ASTN2: variants seen among roughly 807,000 people sequenced by gnomAD.
ASTN2 encodes astrotactin-2.
ASTN2 carries 54 observed loss-of-function variants against 139.8 expected under a neutral mutation model. That is an observed-to-expected ratio of 0.39 (90% CI 0.31 to 0.48). ASTN2 has a LOEUF of 0.48. ASTN2 is among the 20% of genes least tolerant of loss of function. The pLI is 0.95. For missense variants in ASTN2, 1,565 were observed against 1,725.1 expected (o/e 0.91, Z 1.64); for synonymous variants, 756 against 719.5 (o/e 1.05, Z -0.81).
intron 2 of ASTN2, among the ~76,000 whole-genome samples, chr9:117,240,962 T>C (rs968774849): frequency 7.2e-5 from 11 of 152,188 alleles, no homozygotes; most frequent in African/African-American, 2.7e-4. Flanking sequence ...TCCTGAGGTT[T>C]ACAATCCTCC....
At chr9:116,573,429 C>G (rs10983241) in intron 19 of ASTN2, among the ~76,000 whole-genome samples, 7,200 of 152,102 alleles carry the variant, frequency 0.047, 561 homozygotes, top group African/African-American at 0.16. Context: ...TATCTCAGAG[C>G]CTTTAATATG....
At chr9:116,478,177 G>C (rs1310699211) in intron 20 of ASTN2, among the ~76,000 whole-genome samples, 1 of 120,618 alleles carries the variant, frequency 8.3e-6, no homozygotes, top group East Asian at 3.0e-4. Context: ...GAGGGAAGGG[G>C]AGGGAGAAAG....
chr9:117,348,427 A>T (rs890244820), intron 1 of ASTN2, among the ~76,000 whole-genome samples: 1 of 152,216 alleles, frequency 6.6e-6, no homozygotes, highest in African/African-American at 2.4e-5. Flanking sequence ...TGTCTCTGAA[A>T]ATGTGTCCCA....
At chr9:117,215,955 T>C (rs1433135007) in intron 2 of ASTN2, among the ~76,000 whole-genome samples, 2 of 152,188 alleles carry the variant, frequency 1.3e-5, no homozygotes, top group Non-Finnish European at 2.9e-5. Flanking sequence ...CAGAGTAATA[T>C]CTGAGCCTTA....
intron 10 of ASTN2, among the ~76,000 whole-genome samples, chr9:116,916,447 C>T (rs1834450120): frequency 1.3e-5 from 2 of 152,146 alleles, no homozygotes; most frequent in Admixed American, 6.5e-5. Context: ...AAACAGCTTG[C>T]CCAAGATCAG....
At chr9:117,178,478 G>T (rs760536316) in intron 3 of ASTN2, among the ~76,000 whole-genome samples, 2 of 152,194 alleles carry the variant, frequency 1.3e-5, no homozygotes, top group Non-Finnish European at 2.9e-5. Context: ...AAGCACTTAA[G>T]GACCAGAGAT....
At chr9:116,913,516 G>A (rs1414453459) in intron 10 of ASTN2, among the ~76,000 whole-genome samples, 1 of 152,208 alleles carries the variant, frequency 6.6e-6, no homozygotes, top group East Asian at 1.9e-4. Context: ...CTGGGTTTGA[G>A]GGAAGGGGAA....
chr9:116,626,394 TATAAAC>T (rs1239475295), intron 17 of ASTN2, among the ~76,000 whole-genome samples: 1 of 151,898 alleles, frequency 6.6e-6, no homozygotes, highest in Non-Finnish European at 1.5e-5. Context: ...TTAAATATGT[TATAAAC>T]ATACTTATAT....
intron 4 of ASTN2, among the ~76,000 whole-genome samples, chr9:117,135,653 G>A (rs575228261): frequency 2.0e-5 from 3 of 152,322 alleles, no homozygotes; most frequent in Admixed American, 2.0e-4. Context: ...TGCAATAAGG[G>A]CAGTGATAAA....
In ASTN2 at chr9:117,123,854, T is replaced by C. The variant is rs146281994; in HGVS notation, c.1168+17472A>G. 6.0e-3 allele frequency among the ~76,000 whole-genome samples: 916 copies of C among 152,322 alleles called. 10 individuals carry two copies. The highest frequency in any genetic ancestry group is 0.02 in the African/African-American group (840 of 41,574). The stretch of plus-strand genomic sequence containing the variant: ...TCACCAGGAATTGGTTTCACATTCT[T>C]CTTACTCACTGTATCAAATGAGTAT... On this transcript the variant is annotated intron_variant, in intron 4 of 22. Transcript: ENST00000313400.
At chr9:117,336,726 T>C (rs998245302) in intron 1 of ASTN2, among the ~76,000 whole-genome samples, 4 of 152,160 alleles carry the variant, frequency 2.6e-5, no homozygotes, top group African/African-American at 9.7e-5. Flanking sequence ...AAATGGGTTC[T>C]GGTTTAAAGG....
At position 116,606,262 on chromosome 9, in the gene ASTN2, G is replaced by A. The variant is rs138225395; in HGVS notation, c.3355+12062C>T. On this transcript the variant is annotated intron_variant, in intron 19 of 22. Transcript: ENST00000313400. ...TCCTAACAGCGTCCCGGAACTGACCGAGCGATGGCTTCTCTGAAGGAGACA... is the reference window on the plus strand; with the variant it reads ...TCCTAACAGCGTCCCGGAACTGACCAAGCGATGGCTTCTCTGAAGGAGACA... Among the ~76,000 whole-genome samples the A allele has an allele frequency of 5.5e-4, 84 of 152,264 alleles. No individual in the cohort carries two copies. In the East Asian group the frequency reaches 0.015, roughly 27 times the overall value.
chr9:116,669,800 A>T (rs1267018094), intron 16 of ASTN2, among the ~76,000 whole-genome samples: 1 of 138,882 alleles, frequency 7.2e-6, no homozygotes, highest in African/African-American at 2.8e-5. Context: ...ATGATTCCTT[A>T]TGTATTGTAT....
chr9:116,659,696 T>C (rs1479391745), intron 16 of ASTN2, among the ~76,000 whole-genome samples: 2 of 152,002 alleles, frequency 1.3e-5, no homozygotes, highest in Non-Finnish European at 2.9e-5. Flanking sequence ...GCCCCCAATC[T>C]CCTCCACCCA....
chr9:116,558,014 C>T (rs1002768044), intron 19 of ASTN2, among the ~76,000 whole-genome samples: 2 of 152,198 alleles, frequency 1.3e-5, no homozygotes, highest in African/African-American at 2.4e-5. Context: ...AATAGAATGA[C>T]CATGTCCACC....
intron 3 of ASTN2, among the ~76,000 whole-genome samples, chr9:117,145,147 C>T (rs1014469304): frequency 6.6e-6 from 1 of 152,100 alleles, no homozygotes; most frequent in Non-Finnish European, 1.5e-5. Flanking sequence ...CTCAGAATGT[C>T]TTTGAGACAT....
chr9:116,514,707 C>T (rs1389841675), intron 19 of ASTN2, among the ~76,000 whole-genome samples: 4 of 152,086 alleles, frequency 2.6e-5, no homozygotes, highest in African/African-American at 9.7e-5. Context: ...AGCAAAGCCT[C>T]CCCCAGCCTC....
intron 20 of ASTN2, among the ~76,000 whole-genome samples, chr9:116,479,474 C>T (rs959625121): frequency 6.4e-5 from 1 of 15,722 alleles, no homozygotes; most frequent in African/African-American, 9.0e-5. Flanking sequence ...AGGCTCTCAG[C>T]CCCCTGGGCT....
chr9:116,583,931 G>A (rs537404217), intron 19 of ASTN2: 9 of 152,224 alleles, frequency 5.9e-5, no homozygotes, highest in African/African-American at 2.2e-4. Context: ...TCTGACTGAG[G>A]AATATATTCA....
Sources: gnomAD v4.1 joint callset for allele counts (sites outside exome capture counted in the v4.1 genomes callset) on GRCh38, gnomAD v4.1.1 for gene constraint, MANE v1.5 for transcripts, NCBI Gene and HGNC (gene_info 2026-07-23, HGNC 2026-07-21) for gene names.